Variants in ATP8B4 observed in about 807,000 individuals in gnomAD.
ATP8B4 encodes ATPase phospholipid transporting 8B4 (putative).
ATP8B4 carries 133 observed loss-of-function variants against 145.6 expected under a neutral mutation model. The ratio of observed to expected loss-of-function variants is 0.91; its 90% CI spans 0.79 to 1.05. ATP8B4 has a LOEUF of 1.05. Among genes scored for constraint, ATP8B4 ranks in the 50% least tolerant of loss-of-function variants. ATP8B4 has a pLI of 0.00. For missense variants in ATP8B4, 1,458 were observed against 1,425.2 expected, an observed-to-expected ratio of 1.02 and a Z score of -0.37; for synonymous variants, 507 against 492.9, an observed-to-expected ratio of 1.03 and a Z score of -0.38.
At position 50,072,926 on chromosome 15, in the gene ATP8B4, CT is replaced by C. The variant is rs2053851000; in HGVS notation, c.87+1200del. On this transcript the variant is annotated intron_variant, in intron 3 of 27. Coordinates refer to ENST00000284509, the MANE Select transcript of ATP8B4 (RefSeq NM_024837.4). Reference sequence around the variant, plus strand: ...GCATGAGTCACTGTGCCCGGCCTCTCTCTCTCTCTCTCTCTCTCTCTCTCTC... The same window carrying C: ...GCATGAGTCACTGTGCCCGGCCTCTCCTCTCTCTCTCTCTCTCTCTCTCTC... Among the ~76,000 whole-genome samples, 15 of 9,562 alleles carry C rather than the reference CT, an allele frequency of 1.6e-3. 1 individual carries two copies. Among genetic ancestry groups the C allele is most frequent in the African/African-American group, 5.2e-3 (14 of 2,684 alleles). 6.3% of individuals were successfully genotyped at this position (9,562 alleles called of 152,430 possible).
chr15:50,161,222 T>C (rs1414235633), intron 1 of ATP8B4, among the ~76,000 whole-genome samples: 1 of 152,128 alleles, frequency 6.6e-6, no homozygotes, highest in Non-Finnish European at 1.5e-5. Flanking sequence ...GCATGGAGTA[T>C]CTTTTTCTAT....
intron 21 of ATP8B4, among the ~76,000 whole-genome samples, chr15:49,900,453 G>A (rs576894182): frequency 5.9e-5 from 9 of 152,174 alleles, no homozygotes; most frequent in South Asian, 2.1e-4. Context: ...TCACTGGAGC[G>A]TAATTGGAGC....
chr15:50,026,986 C>G (rs2050054434), intron 6 of ATP8B4, among the ~76,000 whole-genome samples: 1 of 152,150 alleles, frequency 6.6e-6, no homozygotes, highest in South Asian at 2.1e-4. Flanking sequence ...CCTAGTAATC[C>G]TCTATGGCCT....
intron 1 of ATP8B4, among the ~76,000 whole-genome samples, chr15:50,176,098 G>C (rs1368277278): frequency 1.3e-5 from 2 of 149,982 alleles, no homozygotes; most frequent in Non-Finnish European, 2.9e-5. Context: ...TATATATATA[G>C]TGTGTATATA....
intron 2 of ATP8B4, among the ~76,000 whole-genome samples, chr15:50,086,781 T>G (rs1402773450): frequency 1.9e-5 from 1 of 52,000 alleles, no homozygotes; most frequent in Non-Finnish European, 2.8e-5. Context: ...TTATTATATA[T>G]AATAAAATAA....
At chr15:49,896,157 A>G (rs2037373659) in intron 23 of ATP8B4, 1 of 152,214 alleles carries the variant, frequency 6.6e-6, no homozygotes, top group Non-Finnish European at 1.5e-5. Context: ...ACTTCTGAGT[A>G]GCTAAAATCA....
At chr15:49,998,800 A>G (rs2047641785) in intron 8 of ATP8B4, among the ~76,000 whole-genome samples, 1 of 152,246 alleles carries the variant, frequency 6.6e-6, no homozygotes, top group South Asian at 2.1e-4. Flanking sequence ...TGTTTTAGAC[A>G]TGAAGTCCTT....
chr15:50,043,679 C>T (rs935133947), intron 5 of ATP8B4, among the ~76,000 whole-genome samples: 10 of 152,262 alleles, frequency 6.6e-5, no homozygotes, highest in East Asian at 1.9e-4. Context: ...GTAGGCCGGG[C>T]GCGGTGGCTC....
intron 6 of ATP8B4, among the ~76,000 whole-genome samples, chr15:50,016,569 G>C (rs1301933177): frequency 6.6e-6 from 1 of 152,174 alleles, no homozygotes; most frequent in Non-Finnish European, 1.5e-5. Flanking sequence ...CACAATGAAA[G>C]CCACAGCCAA....
At chr15:50,078,440 T>A (rs2054329031) in intron 2 of ATP8B4, among the ~76,000 whole-genome samples, 1 of 151,196 alleles carries the variant, frequency 6.6e-6, no homozygotes, top group Non-Finnish European at 1.5e-5. Flanking sequence ...CCCTAGAAAT[T>A]AAAAATATTA....
intron 1 of ATP8B4, among the ~76,000 whole-genome samples, chr15:50,151,615 G>C (rs2044348115): frequency 6.6e-6 from 1 of 152,046 alleles, no homozygotes; most frequent in Non-Finnish European, 1.5e-5. Flanking sequence ...GCTTGATGTA[G>C]TGGCACATGC....
intron 2 of ATP8B4, among the ~76,000 whole-genome samples, chr15:50,100,598 T>C (rs2056292907): frequency 6.6e-6 from 1 of 152,216 alleles, no homozygotes; most frequent in Non-Finnish European, 1.5e-5. Context: ...CTCCAGACTA[T>C]TGCCAGATCT....
chr15:50,103,272 G>A (rs1448330043), intron 2 of ATP8B4, among the ~76,000 whole-genome samples: 2 of 151,988 alleles, frequency 1.3e-5, no homozygotes, highest in Non-Finnish European at 2.9e-5. Flanking sequence ...AGAAATAAAG[G>A]GCATCCAAAT....
chr15:49,860,271 T>C lies in ATP8B4; in HGVS notation c.3502A>G (p.Ser1168Gly), dbSNP rs753213729. The change falls in exon 28 of 28, where the codon AGC becomes GGC. Residue 1168 changes from serine (S) to glycine (G), a missense_variant. Coordinates refer to ENST00000284509, the MANE Select transcript of ATP8B4 (RefSeq NM_024837.4). ...TTCTTACATAAATTTTCAATCCAGC[T>C]AGTGCTATTATAATGTGTCTTTTCC... ...GLEKTHYNST[S>G]WIENLCKKTT... 1 of 1,614,206 alleles carries C rather than the reference T, an allele frequency of 6.2e-7. No homozygotes were observed. Among genetic ancestry groups the C allele is most frequent in the East Asian group, 2.2e-5 (1 of 44,886 alleles).
At chr15:49,860,586 G>GCAAAAGGAAGTTTTAAATCT (rs754161371) in intron 27 of ATP8B4, 111 bp from the exon 28 acceptor site, 1,379 of 1,266,350 alleles carry the variant, frequency 1.1e-3, no homozygotes, top group Middle Eastern at 6.3e-3. Context: ...AAACAACATT[G>GCAAAAGGAAGTTTTAAATCT]CAAAAGGAAG....
At chr15:50,172,774 G>A (rs2044699261) in intron 1 of ATP8B4, among the ~76,000 whole-genome samples, 1 of 151,170 alleles carries the variant, frequency 6.6e-6, no homozygotes. Context: ...GAGATGTGAA[G>A]AGCGCCTCTG....
At chr15:49,903,069 C>T (rs1306561964) in intron 20 of ATP8B4, among the ~76,000 whole-genome samples, 1 of 152,122 alleles carries the variant, frequency 6.6e-6, no homozygotes, top group African/African-American at 2.4e-5. Flanking sequence ...AGAAAAGGGA[C>T]AGTTTTTCTG....
intron 12 of ATP8B4, among the ~76,000 whole-genome samples, chr15:49,977,163 A>G (rs979090260): frequency 6.6e-6 from 1 of 152,180 alleles, no homozygotes; most frequent in African/African-American, 2.4e-5. Flanking sequence ...CAAGTGATAT[A>G]TGGCACTAAT....
chr15:50,004,070 T>G (rs1447623734), intron 7 of ATP8B4, among the ~76,000 whole-genome samples: 1 of 152,190 alleles, frequency 6.6e-6, no homozygotes, highest in Non-Finnish European at 1.5e-5. Context: ...GCTTTTTCTT[T>G]GATGTTCTCT....
Sources: allele counts gnomAD v4.1 joint callset (sites outside exome capture counted in the v4.1 genomes callset), GRCh38; gene constraint gnomAD v4.1.1; transcripts MANE v1.5; gene names NCBI Gene and HGNC (gene_info 2026-07-23, HGNC 2026-07-21).